DZIP3: variants seen among roughly 807,000 people sequenced by gnomAD.
DZIP3 encodes DAZ interacting zinc finger protein 3.
Under a neutral mutation model 162.0 loss-of-function variants are expected in DZIP3, and 118 were observed. The observed-to-expected ratio is 0.73, with a 90% CI of 0.63 to 0.85. The LOEUF is 0.85. Among genes scored for constraint, DZIP3 ranks in the 40% least tolerant of loss-of-function variants. The pLI, the probability that DZIP3 is intolerant of heterozygous loss-of-function variation, is 0.00. For synonymous variants in DZIP3, 438 were observed against 458.6 expected (o/e 0.96, Z 0.57); for missense variants, 1,331 against 1,407.0 (o/e 0.95, Z 0.86).
chr3:108,629,321 C>T lies in DZIP3; in HGVS notation c.696+145C>T, dbSNP rs1440547128. ...CTTTATTGCATTACCTAGTGCAGAA[C>T]GTATGATTCAACAAGGAGGGAGAAG... On this transcript the variant is annotated intron_variant, in intron 8 of 32. Transcript: ENST00000361582. 1.5e-5 allele frequency: 8 copies of T among 530,854 alleles called. 1 individual carries two copies. The highest frequency in any genetic ancestry group is 1.2e-4 in the South Asian group (4 of 33,776). 32.9% of individuals were successfully genotyped at this position (530,854 alleles called of 1,614,324 possible).
chr3:108,631,056 C>CACACA (rs1385172484), intron 8 of DZIP3, among the ~76,000 whole-genome samples: 6 of 28,996 alleles, frequency 2.1e-4, no homozygotes, highest in Non-Finnish European at 3.3e-4. Context: ...CACACACACA[C>CACACA]TCTCTCTCTC....
At chr3:108,647,562 G>A (rs1419859621) in intron 15 of DZIP3, among the ~76,000 whole-genome samples, 1 of 152,042 alleles carries the variant, frequency 6.6e-6, no homozygotes, top group Non-Finnish European at 1.5e-5. Flanking sequence ...TAGATCTTTT[G>A]TCTTCTTTTT....
At position 108,672,833 on chromosome 3, in the gene DZIP3, T is replaced by C. The variant is rs115242736; in HGVS notation, c.2589+177T>C. Among the ~76,000 whole-genome samples the C allele has an allele frequency of 5.3e-3, 804 of 152,096 alleles. 10 individuals are homozygous for C. The highest frequency in any genetic ancestry group is 0.018 in the African/African-American group (733 of 41,542). ...GCTTTTTTGACTCATTGGCAAATCA[T>C]GTGTGAATACTTCAGTTTTGATGTT... On this transcript the variant is annotated intron_variant, in intron 23 of 32. Transcript: ENST00000361582.
intron 8 of DZIP3, 70 bp downstream of exon 8, chr3:108,629,246 C>G (rs76682719): frequency 1.3e-5 from 13 of 1,007,136 alleles, no homozygotes; most frequent in African/African-American, 1.0e-4. Flanking sequence ...CATATTCTTA[C>G]AGCAAGCATG....
chr3:108,623,402 T>C (rs1353418306), intron 5 of DZIP3, among the ~76,000 whole-genome samples: 1 of 152,180 alleles, frequency 6.6e-6, no homozygotes, highest in Non-Finnish European at 1.5e-5. Flanking sequence ...CCGCCAGGAC[T>C]GGGTTCTTAC....
At chr3:108,656,499 A>G (rs1020103560) in intron 19 of DZIP3, among the ~76,000 whole-genome samples, 4 of 152,172 alleles carry the variant, frequency 2.6e-5, no homozygotes, top group African/African-American at 7.2e-5. Context: ...TCTGTACGTC[A>G]TCATCATCAA....
chr3:108,668,075 G>A (rs1298692087), intron 21 of DZIP3, among the ~76,000 whole-genome samples: 2 of 152,062 alleles, frequency 1.3e-5, no homozygotes, highest in Non-Finnish European at 2.9e-5. Flanking sequence ...AGAATATGGA[G>A]ATTAGAAAGC....
chr3:108,620,764 G>A (rs1296545871), intron 5 of DZIP3, among the ~76,000 whole-genome samples: 1 of 152,130 alleles, frequency 6.6e-6, no homozygotes, highest in African/African-American at 2.4e-5. Flanking sequence ...CTATTTTGCA[G>A]AATCCATGTG....
At chr3:108,663,074 T>C (rs1559768970) in intron 21 of DZIP3, among the ~76,000 whole-genome samples, 1 of 152,188 alleles carries the variant, frequency 6.6e-6, no homozygotes, top group East Asian at 1.9e-4. Flanking sequence ...AATTTTTCTC[T>C]CATATATTGT....
intron 2 of DZIP3, among the ~76,000 whole-genome samples, chr3:108,606,621 G>C (rs768248617): frequency 1.3e-5 from 2 of 152,150 alleles, no homozygotes; most frequent in Non-Finnish European, 2.9e-5. Flanking sequence ...TTACAAGCAA[G>C]GGAGGATAAA....
chr3:108,634,910 T>A lies in DZIP3; in HGVS notation c.856T>A (p.Tyr286Asn). ...QLMCSKSCCV[Y>N]FHKICWKKFK... is the part of the protein sequence containing the mutation. ...AATGTGCAGTAAAAGTTGCTGTGTT[T>A]ATTTCCATAAAATTTGCTGGAAAAA... is the stretch of plus-strand genomic sequence containing the variant. Residue 286 changes from tyrosine (Y) to asparagine (N), a missense_variant, in exon 10 of 33, where the codon TAT (tyrosine) becomes AAT (asparagine). Physicochemically the swap from Tyr to Asn is moderately radical, Grantham distance 143. Coordinates refer to ENST00000361582, the MANE Select transcript of DZIP3 (RefSeq NM_014648.4). 1 of 1,610,792 alleles carries A rather than the reference T, an allele frequency of 6.2e-7. No individual in the cohort carries two copies. The highest frequency in any genetic ancestry group is 8.5e-7 in the Non-Finnish European group (1 of 1,178,258).
At chr3:108,687,932 A>G in intron 28 of DZIP3, 44 bp from the exon 29 acceptor site, 3 of 1,612,010 alleles carry the variant, frequency 1.9e-6, no homozygotes, top group Non-Finnish European at 2.5e-6. Context: ...CAAAGGTACT[A>G]AGGAAAATCA....
At chr3:108,627,329 CCTGGCCTATAGAGGACAACCACCA>C (rs1480568037) in intron 7 of DZIP3, among the ~76,000 whole-genome samples, 1 of 152,132 alleles carries the variant, frequency 6.6e-6, no homozygotes, top group African/African-American at 2.4e-5. Context: ...TACTTTCATC[CCTGGCCTATAGAGGACAACCACCA>C]CTGAGCTCCT....
At chr3:108,639,571 T>G (rs1942296729) in intron 12 of DZIP3, among the ~76,000 whole-genome samples, 1 of 152,152 alleles carries the variant, frequency 6.6e-6, no homozygotes, top group African/African-American at 2.4e-5. Flanking sequence ...CCCATTCTCT[T>G]AGTAGTCATG....
At chr3:108,627,597 A>G (rs1317967154) in intron 7 of DZIP3, among the ~76,000 whole-genome samples, 1 of 152,180 alleles carries the variant, frequency 6.6e-6, no homozygotes, top group Non-Finnish European at 1.5e-5. Flanking sequence ...GAGTCTTCTC[A>G]GCACCATATT....
chr3:108,654,478 A>AG (rs1943020652), intron 19 of DZIP3, 168 bp downstream of exon 19: 2 of 685,272 alleles, frequency 2.9e-6, no homozygotes, highest in Non-Finnish European at 2.4e-6. Flanking sequence ...AAATAGAATA[A>AG]GGAAAAAAAA....
At chr3:108,649,013 A>T (rs1248510155) in intron 17 of DZIP3, 51 bp downstream of exon 17, 1 of 1,011,842 alleles carries the variant, frequency 9.9e-7, no homozygotes, top group Non-Finnish European at 1.3e-6. Flanking sequence ...CTTGAGTTAA[A>T]TACATGAATT....
intron 25 of DZIP3, 114 bp downstream of exon 25, chr3:108,675,987 A>G (rs1270552542): frequency 1.1e-6 from 1 of 896,670 alleles, no homozygotes; most frequent in East Asian, 3.0e-5. Context: ...TTTTAGTTAT[A>G]AAAGTTTATG....
chr3:108,618,653 T>C (rs975217049), intron 5 of DZIP3, among the ~76,000 whole-genome samples: 11 of 152,148 alleles, frequency 7.2e-5, no homozygotes, highest in East Asian at 1.9e-4. Flanking sequence ...CACGTCTATC[T>C]CCACTGAGAT....
Sources: allele counts gnomAD v4.1 joint callset (sites outside exome capture counted in the v4.1 genomes callset), GRCh38; gene constraint gnomAD v4.1.1; transcripts MANE v1.5; gene names NCBI Gene and HGNC (gene_info 2026-07-23, HGNC 2026-07-21).